The following RPS6KC1 variants were observed in gnomAD, a reference collection of about 807,000 sequenced individuals.
The protein encoded by RPS6KC1 is ribosomal protein S6 kinase C1, also known as inactive ribosomal protein S6 kinase delta-1.
Under a neutral mutation model 103.8 loss-of-function variants are expected in RPS6KC1, and 54 were observed. The ratio of observed to expected loss-of-function variants is 0.52; its 90% CI spans 0.42 to 0.65. The LOEUF (loss-of-function observed/expected upper bound fraction) is 0.65, where lower values mean the gene tolerates loss of function less well. RPS6KC1 is among the 30% of genes least tolerant of loss of function. RPS6KC1 has a pLI of 0.00. For synonymous variants in RPS6KC1, 439 were observed against 438.7 expected (o/e 1.00, Z -0.01); for missense variants, 1,151 against 1,253.8 (o/e 0.92, Z 1.24).
the RPS6KC1 span, among the ~76,000 whole-genome samples, chr1:213,704,158 C>T: frequency 5.3e-4 from 81 of 151,806 alleles, no homozygotes; most frequent in Non-Finnish European, 9.1e-4. Context: ...GAGGCCGAGG[C>T]GGGCGGATCA....
At chr1:213,492,056 C>T in the RPS6KC1 span, among the ~76,000 whole-genome samples, 1 of 152,300 alleles carries the variant, frequency 6.6e-6, no homozygotes, top group Admixed American at 6.5e-5. Context: ...CGTATGTAAG[C>T]CCCCAGCAAA....
At chr1:213,524,876 T>C in the RPS6KC1 span, among the ~76,000 whole-genome samples, 1 of 152,226 alleles carries the variant, frequency 6.6e-6, no homozygotes, top group Admixed American at 6.5e-5. Context: ...ACCCCCACTT[T>C]GAGCCTCTCA....
chr1:213,610,973 T>A, the RPS6KC1 span, among the ~76,000 whole-genome samples: 1 of 152,134 alleles, frequency 6.6e-6, no homozygotes, highest in South Asian at 2.1e-4. Context: ...TTCTGATAAT[T>A]TTTTTGGGGG....
chr1:213,456,809 C>G, the RPS6KC1 span, among the ~76,000 whole-genome samples: 1 of 152,148 alleles, frequency 6.6e-6, no homozygotes, highest in Non-Finnish European at 1.5e-5. Flanking sequence ...CTGAAACGTG[C>G]CTTTCCTTCT....
the RPS6KC1 span, among the ~76,000 whole-genome samples, chr1:213,714,313 A>G: frequency 6.6e-6 from 1 of 152,234 alleles, no homozygotes. Context: ...CAAAAATGTA[A>G]TTTGTGGGAT....
intron 3 of RPS6KC1, among the ~76,000 whole-genome samples, chr1:213,091,852 T>G (rs1202681661): frequency 1.3e-5 from 2 of 152,236 alleles, no homozygotes; most frequent in Non-Finnish European, 1.5e-5. Flanking sequence ...GTTTGTTTCA[T>G]TTCACAGAAT....
the RPS6KC1 span, among the ~76,000 whole-genome samples, chr1:213,568,783 G>A: frequency 2.2e-3 from 340 of 152,288 alleles, 2 homozygotes; most frequent in African/African-American, 7.9e-3. Context: ...TCCAAAGCTG[G>A]GGCTTTTTCT....
intron 1 of RPS6KC1, among the ~76,000 whole-genome samples, chr1:213,057,400 T>G (rs1348285649): frequency 6.6e-6 from 1 of 152,236 alleles, no homozygotes; most frequent in Non-Finnish European, 1.5e-5. Flanking sequence ...GTATAATTCT[T>G]TGAATCTTAA....
chr1:213,837,920 T>C, the RPS6KC1 span, among the ~76,000 whole-genome samples: 2 of 152,140 alleles, frequency 1.3e-5, no homozygotes, highest in Non-Finnish European at 2.9e-5. Flanking sequence ...TCCTACTAGA[T>C]GAATTTATGT....
chr1:213,512,968 AC>A, the RPS6KC1 span, among the ~76,000 whole-genome samples: 2 of 152,166 alleles, frequency 1.3e-5, no homozygotes, highest in Non-Finnish European at 2.9e-5. Context: ...AGGAAGAATG[AC>A]CCTCTTAAAG....
At chr1:213,485,961 G>A in the RPS6KC1 span, among the ~76,000 whole-genome samples, 1 of 152,174 alleles carries the variant, frequency 6.6e-6, no homozygotes, top group Non-Finnish European at 1.5e-5. Flanking sequence ...TCACCCTTCT[G>A]CTTCCTCTGC....
At chr1:213,381,192 A>C in the RPS6KC1 span, among the ~76,000 whole-genome samples, 1 of 152,190 alleles carries the variant, frequency 6.6e-6, no homozygotes, top group Non-Finnish European at 1.5e-5. Flanking sequence ...AGGAAGCAAG[A>C]TAGTGGGATT....
At chr1:213,560,067 C>T in the RPS6KC1 span, among the ~76,000 whole-genome samples, 2 of 152,126 alleles carry the variant, frequency 1.3e-5, no homozygotes, top group East Asian at 3.9e-4. Flanking sequence ...CAGCAAGCAA[C>T]ATGAACATCA....
chr1:213,215,949 G>A (rs1473269954), intron 8 of RPS6KC1, among the ~76,000 whole-genome samples: 2 of 152,148 alleles, frequency 1.3e-5, no homozygotes, highest in African/African-American at 4.8e-5. Context: ...GACCATTGAG[G>A]CTAGGAAGAA....
At chr1:213,825,612 A>C in the RPS6KC1 span, among the ~76,000 whole-genome samples, 1 of 152,132 alleles carries the variant, frequency 6.6e-6, no homozygotes, top group Non-Finnish European at 1.5e-5. Context: ...CTGCCCCTCC[A>C]CATGGATCAT....
the RPS6KC1 span, among the ~76,000 whole-genome samples, chr1:213,856,037 G>A: frequency 1.3e-5 from 2 of 152,190 alleles, no homozygotes; most frequent in Non-Finnish European, 2.9e-5. Flanking sequence ...TGACGAGGGA[G>A]CCTGGCTGTC....
rs1384064996 is a variant in RPS6KC1, at chr1:213,171,207, A to G, written c.951+3234A>G. On this transcript the variant is annotated intron_variant, in intron 7 of 14. Coordinates refer to ENST00000366960, the MANE Select transcript of RPS6KC1 (RefSeq NM_012424.6). ...CCTTTTTGCAAAAGCACAGAAAGGA[A>G]AAAAAGCACTCTCTTACTCTTTTTC... Among the ~76,000 whole-genome samples the G allele has an allele frequency of 2.0e-5, 3 of 152,198 alleles. No individual in the cohort carries two copies. In the East Asian group the frequency reaches 5.8e-4, roughly 29 times the overall value.
chr1:213,576,102 G>A, the RPS6KC1 span, among the ~76,000 whole-genome samples: 6 of 152,196 alleles, frequency 3.9e-5, no homozygotes, highest in African/African-American at 9.6e-5. Flanking sequence ...ATAGTGGCAC[G>A]CATACAGCTG....
the RPS6KC1 span, among the ~76,000 whole-genome samples, chr1:213,584,715 T>G: frequency 6.6e-6 from 1 of 152,228 alleles, no homozygotes; most frequent in African/African-American, 2.4e-5. Context: ...ACTGCTTAAT[T>G]TTTTCAGGAC....
Sources: gnomAD v4.1 joint callset for allele counts (sites outside exome capture counted in the v4.1 genomes callset) on GRCh38, gnomAD v4.1.1 for gene constraint, MANE v1.5 for transcripts, NCBI Gene and HGNC (gene_info 2026-07-23, HGNC 2026-07-21) for gene names.